Variants in RIMS3 observed in about 807,000 individuals in gnomAD.
RIMS3 encodes the protein regulating synaptic membrane exocytosis protein 3.
RIMS3 carries 15 observed loss-of-function variants against 29.2 expected under a neutral mutation model. The ratio of observed to expected loss-of-function variants is 0.51; its 90% CI spans 0.34 to 0.79. The LOEUF (loss-of-function observed/expected upper bound fraction) is 0.79, where lower values mean the gene tolerates loss of function less well. Ranked by LOEUF, RIMS3 falls within the 30% of genes least tolerant of loss-of-function variation. The pLI is 0.01. For missense variants in RIMS3, 342 were observed against 421.4 expected, an observed-to-expected ratio of 0.81 and a Z score of 1.65; for synonymous variants, 161 against 170.1, an observed-to-expected ratio of 0.95 and a Z score of 0.41.
chr1:40,657,098 T>C (rs1181407609), intron 1 of RIMS3, among the ~76,000 whole-genome samples: 2 of 152,202 alleles, frequency 1.3e-5, no homozygotes, highest in African/African-American at 2.4e-5. Flanking sequence ...CCATCTAATA[T>C]GAGCCTCAGA....
chr1:40,689,794 A>G, the RIMS3 span, among the ~76,000 whole-genome samples: 1 of 152,186 alleles, frequency 6.6e-6, no homozygotes, highest in Non-Finnish European at 1.5e-5. Context: ...TATAACATTG[A>G]CTATTAAAAT....
rs989361881 is a variant in RIMS3, at chr1:40,622,849, C to T, written c.*3668G>A. On this transcript the variant is annotated 3_prime_UTR_variant, in exon 8 of 8. Coordinates refer to ENST00000372684, the MANE Select transcript of RIMS3 (RefSeq NM_014747.3). ...CCAGGGGAAGAGGAGCTCAGCAACT[C>T]CTGGGCAGCAGGGCATGGAAGAGGG... The T allele has an allele frequency of 1.3e-5, 2 of 152,704 alleles. No individual in the cohort carries two copies. The highest frequency in any genetic ancestry group is 4.8e-5 in the African/African-American group (2 of 41,432). The allele number at this position is 152,704 out of a possible 1,614,324, so 9.5% of individuals were successfully genotyped here.
chr1:40,629,346 G>A lies in RIMS3; in HGVS notation c.499C>T (p.Arg167Trp), dbSNP rs1646474409. The A allele has an allele frequency of 6.8e-6, 11 of 1,614,080 alleles. No individual in the cohort carries two copies. Among genetic ancestry groups the A allele is most frequent in the South Asian group, 1.1e-5 (1 of 91,082 alleles). The change falls in exon 6 of 8, where the codon CGG becomes TGG. Residue 167 changes from arginine to tryptophan, a missense_variant. Physicochemically the swap from Arg to Trp is moderately radical, Grantham distance 101. Coordinates refer to ENST00000372684, the MANE Select transcript of RIMS3 (RefSeq NM_014747.3). Reference sequence around the variant, plus strand: ...ACTTCCACCTCCAGCTGGCCACTCCGGTCCATGATGGCAATGTGCACATCT... The same window carrying A: ...ACTTCCACCTCCAGCTGGCCACTCCAGTCCATGATGGCAATGTGCACATCT... ...MGDVHIAIMDRSGQLEVEVIE... is the reference protein window; with the variant it reads ...MGDVHIAIMDWSGQLEVEVIE...
chr1:40,624,457 A>C lies in RIMS3; in HGVS notation c.*2060T>G, dbSNP rs1428768728. On this transcript the variant is annotated 3_prime_UTR_variant, in exon 8 of 8. Coordinates refer to ENST00000372684, the MANE Select transcript of RIMS3 (RefSeq NM_014747.3). ...CCATTTCCAAGAACTTGACGAACGCAATGGGCCTGGGGAGAGCATTTCCGC... is the reference window on the plus strand; with the variant it reads ...CCATTTCCAAGAACTTGACGAACGCCATGGGCCTGGGGAGAGCATTTCCGC... 1 of 152,202 alleles carries C rather than the reference A, an allele frequency of 6.6e-6. No individual in the cohort carries two copies. The highest frequency in any genetic ancestry group is 1.5e-5 in the Non-Finnish European group (1 of 68,038). The allele number at this position is 152,202 out of a possible 1,614,324, so 9.4% of individuals were successfully genotyped here.
chr1:40,680,334 T>TG, the RIMS3 span, among the ~76,000 whole-genome samples: 23 of 150,384 alleles, frequency 1.5e-4, no homozygotes, highest in Non-Finnish European at 1.0e-4. Context: ...TAAATAGTTT[T>TG]TTTTTTTTTT....
Position 40,654,764 on chromosome 1 carries a change from C to A in RIMS3, c.-206-6922G>T, listed in dbSNP as rs1223964597. On this transcript the variant is annotated intron_variant, in intron 1 of 7. Transcript: ENST00000372684. This position sits in a 1 kb window ranked among gnomAD's most constrained non-coding sequence, Gnocchi z 5.3. ...GACACACACACACACAGTGCACACACAATATGCCCTCAGAGACCCTCAGAC... is the reference window on the plus strand; with the variant it reads ...GACACACACACACACAGTGCACACAAAATATGCCCTCAGAGACCCTCAGAC... 6.6e-6 allele frequency among the ~76,000 whole-genome samples: 1 copy of A among 152,098 alleles called. No homozygotes were observed. Among genetic ancestry groups the A allele is most frequent in the Non-Finnish European group, 1.5e-5 (1 of 68,006 alleles).
chr1:40,660,483 T>C (rs968010340), intron 1 of RIMS3, among the ~76,000 whole-genome samples: 3 of 151,044 alleles, frequency 2.0e-5, no homozygotes, highest in South Asian at 4.2e-4. Flanking sequence ...GCTCAAGCGA[T>C]CCTCCCACCT....
Position 40,626,449 on chromosome 1 carries a change from A to T in RIMS3, c.*68T>A. On this transcript the variant is annotated 3_prime_UTR_variant, in exon 8 of 8. Transcript: ENST00000372684. ...GTCCAGAAAGACACGAAGACTATGT[A>T]CAGGGGAGGACATGGGGCCAGCAGG... 2.2e-6 allele frequency: 3 copies of T among 1,364,482 alleles called. No homozygotes were observed. The highest frequency in any genetic ancestry group is 3.1e-6 in the Non-Finnish European group (3 of 978,060). 84.5% of individuals were successfully genotyped at this position (1,364,482 alleles called of 1,614,324 possible). A position where few individuals can be genotyped will look rare whatever the true frequency, so the allele number is the denominator to read the frequency against.
the RIMS3 span, among the ~76,000 whole-genome samples, chr1:40,678,951 G>A: frequency 6.6e-6 from 1 of 152,246 alleles, no homozygotes; most frequent in African/African-American, 2.4e-5. Flanking sequence ...AGCAAAGCTG[G>A]TAAAGTTGGG....
intron 2 of RIMS3, among the ~76,000 whole-genome samples, chr1:40,643,335 G>T (rs1454381169): frequency 6.6e-6 from 1 of 152,030 alleles, no homozygotes; most frequent in African/African-American, 2.4e-5. Context: ...GTTTCACCAT[G>T]TTGGCAAGGC....
At position 40,635,516 on chromosome 1, in the gene RIMS3, T is replaced by A. The variant is rs1435573453; in HGVS notation, c.359+400A>T. On this transcript the variant is annotated intron_variant, in intron 4 of 7. Coordinates refer to ENST00000372684, the MANE Select transcript of RIMS3 (RefSeq NM_014747.3). This position sits in a 1 kb window ranked among gnomAD's most constrained non-coding sequence, Gnocchi z 4.1. Reference sequence around the variant, plus strand: ...TAGTCCAATCTCCTTCCCTCAGCTCTAAGCAAGCCTCCTTGAGAAAATTCC... The same window carrying A: ...TAGTCCAATCTCCTTCCCTCAGCTCAAAGCAAGCCTCCTTGAGAAAATTCC... Among the ~76,000 whole-genome samples, 1 of 152,258 alleles carries A rather than the reference T, an allele frequency of 6.6e-6. No homozygotes were observed. The highest frequency in any genetic ancestry group is 1.5e-5 in the Non-Finnish European group (1 of 68,052).
intron 5 of RIMS3, among the ~76,000 whole-genome samples, chr1:40,630,119 T>C (rs534126904): frequency 2.0e-5 from 3 of 151,094 alleles, no homozygotes; most frequent in African/African-American, 7.3e-5. Context: ...GAACATCTGT[T>C]TGAAAAGGCT....
chr1:40,682,943 G>T, the RIMS3 span, among the ~76,000 whole-genome samples: 1 of 151,800 alleles, frequency 6.6e-6, no homozygotes, highest in African/African-American at 2.4e-5. Flanking sequence ...GTTTCACCAT[G>T]TTGGCCAGGC....
At position 40,622,519 on chromosome 1, in the gene RIMS3, G is replaced by C. The variant is rs1159521537; in HGVS notation, c.*3998C>G. ...CTTTACATGTCAGGATACTGGAGAAGAAAACTCTGAGGAGTGGAAGAGAAA... is the reference window on the plus strand; with the variant it reads ...CTTTACATGTCAGGATACTGGAGAACAAAACTCTGAGGAGTGGAAGAGAAA... On this transcript the variant is annotated 3_prime_UTR_variant, in exon 8 of 8. Coordinates refer to ENST00000372684, the MANE Select transcript of RIMS3 (RefSeq NM_014747.3). 1 of 152,310 alleles carries C rather than the reference G, an allele frequency of 6.6e-6. No individual in the cohort carries two copies. The highest frequency in any genetic ancestry group is 2.4e-5 in the African/African-American group (1 of 41,466). 9.4% of individuals were successfully genotyped at this position (152,310 alleles called of 1,614,324 possible). A position where few individuals can be genotyped will look rare whatever the true frequency, so the allele number is the denominator to read the frequency against.
chr1:40,655,185 C>T (rs570107120), intron 1 of RIMS3, among the ~76,000 whole-genome samples: 19 of 152,238 alleles, frequency 1.2e-4, no homozygotes, highest in African/African-American at 3.6e-4. Flanking sequence ...TATGAGACTC[C>T]GAAGCCTTCT....
rs1425787772 is a variant in RIMS3, at chr1:40,621,166, G to A, written c.*5351C>T. The A allele has an allele frequency of 2.0e-5, 3 of 152,154 alleles. No individual in the cohort carries two copies. Among genetic ancestry groups the A allele is most frequent in the African/African-American group, 7.2e-5 (3 of 41,430 alleles). 9.4% of individuals were successfully genotyped at this position (152,154 alleles called of 1,614,324 possible). A position where few individuals can be genotyped will look rare whatever the true frequency, so the allele number is the denominator to read the frequency against. On this transcript the variant is annotated 3_prime_UTR_variant, in exon 8 of 8. Transcript: ENST00000372684. ...AAGTTCCCTCTCTCCTCCCATCAGA[G>A]AACATTTCCTTTAGAATTCTCAGAT...
the RIMS3 span, among the ~76,000 whole-genome samples, chr1:40,685,329 T>C: frequency 1.6e-4 from 3 of 18,288 alleles, no homozygotes; most frequent in Admixed American, 3.9e-4. Flanking sequence ...TATTAATATA[T>C]AATATAATTA....
At chr1:40,653,649 C>G (rs1054703281) in intron 1 of RIMS3, among the ~76,000 whole-genome samples, 1 of 152,146 alleles carries the variant, frequency 6.6e-6, no homozygotes, top group Admixed American at 6.5e-5. Context: ...AATCCTAGTA[C>G]AGGAAGGACA....
At chr1:40,666,751 G>A (rs920571686), upstream of RIMS3, among the ~76,000 whole-genome samples, 1 of 152,192 alleles carries the variant, frequency 6.6e-6, no homozygotes, top group African/African-American at 2.4e-5. Flanking sequence ...ATGGGAGCTG[G>A]GTGCGGTGGC....
Sources: allele counts gnomAD v4.1 joint callset (sites outside exome capture counted in the v4.1 genomes callset), GRCh38; gene constraint gnomAD v4.1.1; non-coding constraint Gnocchi (gnomAD v3.1); transcripts MANE v1.5; gene names NCBI Gene and HGNC (gene_info 2026-07-23, HGNC 2026-07-21).